The following CNTNAP4 variants were observed in gnomAD, a reference collection of about 807,000 sequenced individuals.
The protein encoded by CNTNAP4 is contactin associated protein family member 4.
Under a neutral mutation model 148.4 loss-of-function variants are expected in CNTNAP4, and 98 were observed. The observed-to-expected ratio is 0.66, with a 90% confidence interval of 0.56 to 0.78. The LOEUF (loss-of-function observed/expected upper bound fraction) is 0.78. Ranked by LOEUF, CNTNAP4 falls within the 30% of genes least tolerant of loss-of-function variation. CNTNAP4 has a pLI of 0.00. For missense variants in CNTNAP4, 1,935 were observed against 1,565.6 expected, an observed-to-expected ratio of 1.24 and a Z score of -3.98; for synonymous variants, 730 against 565.1, an observed-to-expected ratio of 1.29 and a Z score of -4.14.
rs1186143316 is a variant in CNTNAP4, at chr16:76,480,564, C to G, written c.1882+1026C>G. Among the ~76,000 whole-genome samples the G allele has an allele frequency of 8.6e-5, 13 of 152,034 alleles. No individual in the cohort carries two copies. The East Asian group carries it at 2.3e-3, about 27-fold the overall frequency. ...ACCATCCTGGCCAACATGGTGAAAT[C>G]TCGTCTCTCCTAAAAATACAAAAAT... On this transcript the variant is annotated intron_variant, in intron 12 of 23. Transcript: ENST00000611870.
At chr16:76,340,914 G>C (rs1022111194) in intron 2 of CNTNAP4, among the ~76,000 whole-genome samples, 4 of 152,158 alleles carry the variant, frequency 2.6e-5, no homozygotes, top group African/African-American at 9.7e-5. Context: ...CTTCTCCACT[G>C]TTTAGTATAT....
In CNTNAP4 at chr16:76,540,879, C is replaced by G. The variant is rs982752388; in HGVS notation, c.3442+89C>G. On this transcript the variant is annotated intron_variant, in intron 21 of 23. Transcript: ENST00000611870. ...AAAGTCATATTACACACACCCACTT[C>G]GTCATGGCAAAGGAAATCCCTTGCC... The G allele has an allele frequency of 3.6e-6, 3 of 823,626 alleles. No homozygotes were observed. In the African/African-American group the frequency reaches 5.2e-5, roughly 14 times the overall value. 51.0% of individuals were successfully genotyped at this position (823,626 alleles called of 1,614,324 possible).
intron 3 of CNTNAP4, among the ~76,000 whole-genome samples, chr16:76,374,934 A>G (rs958880890): frequency 1.3e-5 from 2 of 151,684 alleles, no homozygotes; most frequent in African/African-American, 2.4e-5. Context: ...TGCCTGGCTA[A>G]TTTTTGTCTT....
At chr16:76,417,503 A>G (rs2144966138) in intron 3 of CNTNAP4, among the ~76,000 whole-genome samples, 1 of 151,700 alleles carries the variant, frequency 6.6e-6, no homozygotes. Context: ...GTACCTGACA[A>G]CATTCATTTG....
intron 13 of CNTNAP4, among the ~76,000 whole-genome samples, chr16:76,492,260 A>C (rs1568386202): frequency 6.6e-6 from 1 of 152,184 alleles, no homozygotes; most frequent in Non-Finnish European, 1.5e-5. Context: ...TGGTATTCTC[A>C]CCATAAAAAT....
chr16:76,503,897 C>T (rs1421604257), intron 15 of CNTNAP4, among the ~76,000 whole-genome samples: 1 of 151,896 alleles, frequency 6.6e-6, no homozygotes, highest in Non-Finnish European at 1.5e-5. Flanking sequence ...CATTTTTATA[C>T]TAGCACCAAC....
At chr16:76,430,550 G>C (rs62051251) in intron 4 of CNTNAP4, among the ~76,000 whole-genome samples, 15,777 of 152,138 alleles carry the variant, frequency 0.1, 1,165 homozygotes, top group East Asian at 0.36. Flanking sequence ...AGTGGTGTTG[G>C]GGAGTGGGTA....
At chr16:76,460,699 G>A (rs79747741) in intron 8 of CNTNAP4, among the ~76,000 whole-genome samples, 8,067 of 130,134 alleles carry the variant, frequency 0.062, 726 homozygotes, top group African/African-American at 0.21. Flanking sequence ...CTTGCAGTGA[G>A]CCGAGATCGC....
chr16:76,443,993 T>A (rs924819663), intron 4 of CNTNAP4, among the ~76,000 whole-genome samples: 1 of 152,168 alleles, frequency 6.6e-6, no homozygotes, highest in Non-Finnish European at 1.5e-5. Flanking sequence ...CATAAAAACA[T>A]AACTTCCATT....
At position 76,553,893 on chromosome 16, in the gene CNTNAP4, C is replaced by G. The variant is rs769770870; in HGVS notation, c.3719C>G (p.Ser1240Cys). Residue 1240 changes from serine (S) to cysteine (C), a missense_variant, in exon 23 of 24, where the codon TCT becomes TGT. Physicochemically the swap from Ser to Cys is moderately radical, Grantham distance 112 (BLOSUM62 -1). Coordinates refer to ENST00000611870, the MANE Select transcript of CNTNAP4 (RefSeq NM_033401.5). ...CTTGCTAATGCAATCAAAAGTGACT[C>G]TGCAGTAATTGGAGGTAATAAGAAG... Reference protein sequence around the residue: ...EPLANAIKSDSAVIGGLIAVV... With the variant: ...EPLANAIKSDCAVIGGLIAVV... The G allele has an allele frequency of 1.9e-5, 30 of 1,604,798 alleles. No individual in the cohort carries two copies. The highest frequency in any genetic ancestry group is 2.5e-5 in the Non-Finnish European group (29 of 1,172,004).
At chr16:76,453,819 A>C (rs1472980953) in intron 8 of CNTNAP4, among the ~76,000 whole-genome samples, 3 of 152,194 alleles carry the variant, frequency 2.0e-5, no homozygotes, top group African/African-American at 7.2e-5. Context: ...ATTCGATATT[A>C]GTTATAATTT....
chr16:76,525,909 T>G (rs776402613), intron 17 of CNTNAP4, among the ~76,000 whole-genome samples: 11 of 149,796 alleles, frequency 7.3e-5, no homozygotes, highest in Non-Finnish European at 1.3e-4. Context: ...TATACATATA[T>G]AAAATATATA....
intron 3 of CNTNAP4, among the ~76,000 whole-genome samples, chr16:76,387,316 C>T (rs1190601481): frequency 2.6e-5 from 4 of 152,196 alleles, no homozygotes; most frequent in Non-Finnish European, 5.9e-5. Flanking sequence ...ATGGTGAGGA[C>T]TGGAACTGAT....
At position 76,408,209 on chromosome 16, in the gene CNTNAP4, C is replaced by G. The variant is rs1316134617; in HGVS notation, c.391-19243C>G. On this transcript the variant is annotated intron_variant, in intron 3 of 23. Transcript: ENST00000611870. Reference sequence around the variant, plus strand: ...GATGAAATTTATTGCAAAATATTCACTTTATTGTGGTAGTCTGGAACCGAA... The same window carrying G: ...GATGAAATTTATTGCAAAATATTCAGTTTATTGTGGTAGTCTGGAACCGAA... 2.0e-5 allele frequency among the ~76,000 whole-genome samples: 3 copies of G among 151,970 alleles called. No homozygotes were observed. The East Asian group carries it at 5.8e-4, about 29-fold the overall frequency.
At chr16:76,325,377 A>G (rs1357610901) in intron 2 of CNTNAP4, among the ~76,000 whole-genome samples, 1 of 152,172 alleles carries the variant, frequency 6.6e-6, no homozygotes, top group Non-Finnish European at 1.5e-5. Context: ...TATTAAGTAT[A>G]CTTAGAATAT....
chr16:76,310,550 G>A (rs186493560), intron 1 of CNTNAP4, among the ~76,000 whole-genome samples: 2 of 152,254 alleles, frequency 1.3e-5, no homozygotes, highest in East Asian at 3.9e-4. Flanking sequence ...TGATGGGAAC[G>A]AGACTCCAAT....
chr16:76,369,552 G>A (rs1428416557), intron 3 of CNTNAP4, among the ~76,000 whole-genome samples: 1 of 152,190 alleles, frequency 6.6e-6, no homozygotes, highest in East Asian at 1.9e-4. Flanking sequence ...TTCAGCTCAA[G>A]AAGAGAGAGC....
At chr16:76,497,990 T>C (rs1028545358) in intron 14 of CNTNAP4, among the ~76,000 whole-genome samples, 10 of 152,116 alleles carry the variant, frequency 6.6e-5, no homozygotes, top group Non-Finnish European at 1.0e-4. Flanking sequence ...AGTAAAAAGG[T>C]AGAAAATTGT....
At chr16:76,489,925 C>G in intron 13 of CNTNAP4, 42 bp downstream of exon 13, 4 of 1,290,068 alleles carry the variant, frequency 3.1e-6, no homozygotes, top group Non-Finnish European at 4.1e-6. Flanking sequence ...CACATCACAT[C>G]ATGCACTTAC....
Sources: gnomAD v4.1 joint callset for allele counts (sites outside exome capture counted in the v4.1 genomes callset) on GRCh38, gnomAD v4.1.1 for gene constraint, MANE v1.5 for transcripts, NCBI Gene and HGNC (gene_info 2026-07-23, HGNC 2026-07-21) for gene names.